Variants in PRKG1 observed in about 807,000 individuals in gnomAD.
PRKG1 encodes cGMP-dependent protein kinase 1.
PRKG1 carries 35 observed loss-of-function variants against 88.1 expected under a neutral mutation model. The observed-to-expected ratio is 0.40, with a 90% CI of 0.30 to 0.53. PRKG1 has a LOEUF of 0.53. Ranked by LOEUF, PRKG1 falls within the 20% of genes least tolerant of loss-of-function variation. The pLI, the probability that PRKG1 is intolerant of heterozygous loss-of-function variation, is 0.59. For missense variants in PRKG1, 540 were observed against 839.8 expected (o/e 0.64, Z 4.41); for synonymous variants, 303 against 292.5 (o/e 1.04, Z -0.37).
intron 2 of PRKG1, among the ~76,000 whole-genome samples, chr10:51,307,669 C>G (rs1841073471): frequency 6.6e-6 from 1 of 152,108 alleles, no homozygotes; most frequent in Non-Finnish European, 1.5e-5. Context: ...ACCAAATATT[C>G]TATGTACTTT....
chr10:51,659,604 C>G (rs12240831), intron 3 of PRKG1, among the ~76,000 whole-genome samples: 129 of 152,178 alleles, frequency 8.5e-4, no homozygotes, highest in African/African-American at 3.1e-3. Flanking sequence ...TATCTCCGTG[C>G]ACAGTATCAA....
chr10:51,502,612 T>C (rs1013740341), intron 3 of PRKG1, among the ~76,000 whole-genome samples: 3 of 152,148 alleles, frequency 2.0e-5, no homozygotes, highest in Admixed American at 6.6e-5. Context: ...GGGTGAAACA[T>C]ATAAGCACTC....
Position 52,272,446 on chromosome 10 carries a change from T to C in PRKG1, c.1368T>C (p.Cys456=). The C allele has an allele frequency of 6.2e-7, 1 of 1,611,414 alleles. No homozygotes were observed. Among genetic ancestry groups the C allele is most frequent in the Non-Finnish European group, 8.5e-7 (1 of 1,178,076 alleles). Residue 456 remains cysteine (C), a synonymous_variant, in exon 12 of 18, where the codon TGT becomes TGC. Coordinates refer to ENST00000373980, the MANE Select transcript of PRKG1 (RefSeq NM_006258.4). The part of the protein sequence containing the change: ...SKYLYMLMEA[C]LGGELWTILR... The stretch of plus-strand genomic sequence containing the variant: ...ATTTGTATATGTTGATGGAAGCTTG[T>C]CTAGGTGGAGAGCTCTGGACCATTC...
intron 4 of PRKG1, among the ~76,000 whole-genome samples, chr10:51,812,260 T>A (rs1006027888): frequency 3.3e-5 from 5 of 152,200 alleles, no homozygotes; most frequent in Non-Finnish European, 7.3e-5. Flanking sequence ...CTGCTGGTTG[T>A]GGAAGTGTTT....
In PRKG1 at chr10:52,256,239, G is replaced by C. The variant is rs1353296309; in HGVS notation, c.1173+4573G>C. ...TTCTGGAATTCAAGAACCTGAATTAGAACTAAATCTAGAATAGATGTAGTA... is the reference window on the plus strand; with the variant it reads ...TTCTGGAATTCAAGAACCTGAATTACAACTAAATCTAGAATAGATGTAGTA... On this transcript the variant is annotated intron_variant, in intron 10 of 17. Transcript: ENST00000373980. Among the ~76,000 whole-genome samples the C allele has an allele frequency of 1.4e-5, 2 of 139,426 alleles. 1 individual carries two copies. The highest frequency in any genetic ancestry group is 3.2e-5 in the Non-Finnish European group (2 of 61,724). 91.5% of individuals were successfully genotyped at this position (139,426 alleles called of 152,430 possible).
At chr10:51,318,880 A>G (rs544244099) in intron 2 of PRKG1, among the ~76,000 whole-genome samples, 1 of 152,230 alleles carries the variant, frequency 6.6e-6, no homozygotes, top group Admixed American at 6.5e-5. Context: ...CATTTTGTTG[A>G]CAGAAGTCCT....
At chr10:52,119,569 TCTA>T (rs1170824861) in intron 7 of PRKG1, among the ~76,000 whole-genome samples, 1 of 152,176 alleles carries the variant, frequency 6.6e-6, no homozygotes, top group Non-Finnish European at 1.5e-5. Context: ...CTTCTCTTAC[TCTA>T]CTTTCAAAAT....
chr10:52,222,208 A>T (rs572763035), intron 9 of PRKG1, among the ~76,000 whole-genome samples: 6 of 152,208 alleles, frequency 3.9e-5, no homozygotes, highest in African/African-American at 1.4e-4. Flanking sequence ...CCATCAGAGT[A>T]GTTCACCCAT....
At chr10:51,934,336 A>G (rs1053431166) in intron 5 of PRKG1, among the ~76,000 whole-genome samples, 5 of 150,876 alleles carry the variant, frequency 3.3e-5, no homozygotes, top group Non-Finnish European at 7.4e-5. Flanking sequence ...TGCAATGTGC[A>G]TTAAGGAACA....
intron 7 of PRKG1, among the ~76,000 whole-genome samples, chr10:52,132,224 GAATA>G (rs1837286389): frequency 6.6e-6 from 1 of 152,048 alleles, no homozygotes; most frequent in Non-Finnish European, 1.5e-5. Context: ...TGATATCAAT[GAATA>G]AATATTAATA....
At chr10:51,587,378 C>T (rs1454453067) in intron 3 of PRKG1, among the ~76,000 whole-genome samples, 1 of 152,148 alleles carries the variant, frequency 6.6e-6, no homozygotes, top group Non-Finnish European at 1.5e-5. Flanking sequence ...GCATGTCAAA[C>T]ACCAAACAAA....
intron 7 of PRKG1, among the ~76,000 whole-genome samples, chr10:52,110,324 T>C (rs994049274): frequency 2.0e-5 from 3 of 152,022 alleles, no homozygotes; most frequent in Non-Finnish European, 4.4e-5. Flanking sequence ...AGTGCGAGAC[T>C]CCATCTCAGA....
intron 3 of PRKG1, among the ~76,000 whole-genome samples, chr10:51,643,038 C>A (rs544301103): frequency 3.3e-5 from 5 of 151,984 alleles, no homozygotes; most frequent in African/African-American, 1.2e-4. Context: ...AAGAAAGCCC[C>A]GGGATTTCAG....
intron 5 of PRKG1, among the ~76,000 whole-genome samples, chr10:52,041,534 A>G (rs1018502236): frequency 2.6e-5 from 4 of 152,228 alleles, no homozygotes; most frequent in Non-Finnish European, 5.9e-5. Context: ...GTTATCTGGA[A>G]TGGTTTGAAA....
intron 4 of PRKG1, among the ~76,000 whole-genome samples, chr10:51,870,461 C>A (rs1841128451): frequency 6.6e-6 from 1 of 151,710 alleles, no homozygotes; most frequent in African/African-American, 2.4e-5. Context: ...AAGTTTAAAC[C>A]TAGGAGATAC....
chr10:52,164,636 GAAGA>G (rs1180763471), intron 9 of PRKG1, among the ~76,000 whole-genome samples: 5 of 152,010 alleles, frequency 3.3e-5, no homozygotes, highest in Non-Finnish European at 5.9e-5. Flanking sequence ...TCTAATTAAA[GAAGA>G]AAGAAAGGCA....
intron 16 of PRKG1, 114 bp from the exon 17 acceptor site, chr10:52,290,110 C>G (rs1395849490): frequency 1.7e-5 from 12 of 722,430 alleles, no homozygotes; most frequent in Non-Finnish European, 2.7e-5. Flanking sequence ...ACATTTTTGT[C>G]ACATGAAAAT....
intron 2 of PRKG1, among the ~76,000 whole-genome samples, chr10:51,329,729 TTTTG>T (rs1309939099): frequency 6.6e-6 from 1 of 152,126 alleles, no homozygotes; most frequent in Non-Finnish European, 1.5e-5. Context: ...TTTTTTGTTT[TTTTG>T]TTTGTTTGTT....
intron 3 of PRKG1, among the ~76,000 whole-genome samples, chr10:51,489,625 A>T (rs935492097): frequency 6.6e-6 from 1 of 152,172 alleles, no homozygotes; most frequent in East Asian, 1.9e-4. Context: ...TTTAAAGCCA[A>T]TAGATTTTAA....
Sources: gnomAD v4.1 joint callset for allele counts (sites outside exome capture counted in the v4.1 genomes callset) on GRCh38, gnomAD v4.1.1 for gene constraint, MANE v1.5 for transcripts, NCBI Gene and HGNC (gene_info 2026-07-23, HGNC 2026-07-21) for gene names.